REV3L: variants seen among roughly 807,000 people sequenced by gnomAD.
The protein encoded by REV3L is REV3 like, DNA directed polymerase zeta catalytic subunit.
Under a neutral mutation model 299.4 loss-of-function variants are expected in REV3L, and 69 were observed. The observed-to-expected ratio is 0.23, with a 90% confidence interval of 0.19 to 0.28. The LOEUF (loss-of-function observed/expected upper bound fraction) is 0.28, where lower values mean the gene tolerates loss of function less well. Among genes scored for constraint, REV3L ranks in the 10% least tolerant of loss-of-function variants. REV3L has a pLI of 1.00. For synonymous variants in REV3L, 1,238 were observed against 1,271.4 expected (o/e 0.97, Z 0.56); for missense variants, 3,128 against 3,693.8 (o/e 0.85, Z 3.97).
intron 1 of REV3L, among the ~76,000 whole-genome samples, chr6:111,460,126 T>C (rs1339654350): frequency 1.3e-5 from 2 of 151,984 alleles, no homozygotes; most frequent in Non-Finnish European, 2.9e-5. Flanking sequence ...ACAACACGGA[T>C]GCAGTTGGGG....
chr6:111,447,322 C>T (rs1418597186), intron 1 of REV3L, among the ~76,000 whole-genome samples: 1 of 152,102 alleles, frequency 6.6e-6, no homozygotes, highest in Non-Finnish European at 1.5e-5. Context: ...CAAATGCTTG[C>T]TATTAGAAAA....
chr6:111,426,467 C>A (rs1057155284), intron 1 of REV3L, among the ~76,000 whole-genome samples: 3 of 152,138 alleles, frequency 2.0e-5, no homozygotes, highest in African/African-American at 4.8e-5. Flanking sequence ...CCCATTTATG[C>A]CAGAGGTTGC....
At chr6:111,472,186 C>T (rs757016348) in intron 1 of REV3L, 102 of 1,182,800 alleles carry the variant, frequency 8.6e-5, no homozygotes, top group Non-Finnish European at 1.1e-4. Context: ...TGAGAAACTG[C>T]GAGTATGCCA....
intron 1 of REV3L, among the ~76,000 whole-genome samples, chr6:111,457,762 A>G (rs1412325200): frequency 6.6e-6 from 1 of 151,998 alleles, no homozygotes; most frequent in Non-Finnish European, 1.5e-5. Flanking sequence ...GAAAGAGAAG[A>G]CAGAACAGGT....
intron 1 of REV3L, chr6:111,471,970 AC>A: frequency 1.5e-5 from 9 of 594,504 alleles, no homozygotes; most frequent in South Asian, 2.5e-5. Flanking sequence ...GCTCACCCCC[AC>A]CCCCCTCACC....
At chr6:111,427,566 T>G (rs552737753) in intron 1 of REV3L, among the ~76,000 whole-genome samples, 1 of 152,064 alleles carries the variant, frequency 6.6e-6, no homozygotes, top group South Asian at 2.1e-4. Flanking sequence ...CACAAAGAAG[T>G]GAAAAAACTC....
rs1771311448 is a variant in REV3L, at chr6:111,300,103, C to A, written c.9306G>T (p.Leu3102=). ...CFDRHIPCVS[L]NCPVLFKLSR... ...AGAGTTTGAAAAGTACTGGGCAGTTCAGAGAAACACATGGGATGTGTCGAT... is the reference window on the plus strand; with the variant it reads ...AGAGTTTGAAAAGTACTGGGCAGTTAAGAGAAACACATGGGATGTGTCGAT... Residue 3102 remains leucine (L), a synonymous_variant, in exon 32 of 32, where the codon CTG becomes CTT. Transcript: ENST00000368802. 6.2e-7 allele frequency: 1 copy of A among 1,613,420 alleles called. No homozygotes were observed. Among genetic ancestry groups the A allele is most frequent in the Non-Finnish European group, 8.5e-7 (1 of 1,179,684 alleles).
chr6:111,474,988 T>TATATATACACAC (rs151075609), intron 1 of REV3L, among the ~76,000 whole-genome samples: 2,101 of 145,882 alleles, frequency 0.014, 54 homozygotes, highest in African/African-American at 0.052. Context: ...TGCCTATATA[T>TATATATACACAC]ACACACACAC....
rs754720792 is a variant in REV3L at position 111,349,346 on chromosome 6, T to G, written c.7301-10A>C. On this transcript the variant is annotated splice_polypyrimidine_tract_variant and intron_variant, in intron 19 of 31. Coordinates refer to ENST00000368802, the MANE Select transcript of REV3L (RefSeq NM_001372078.1). ...TTCTCAATTTTGTCATCTATAGAAA[T>G]GAAAACAGACTGTATCAGGGCTCAC... 1.4e-6 allele frequency: 2 copies of G among 1,412,056 alleles called. No homozygotes were observed. The highest frequency in any genetic ancestry group is 2.4e-5 in the South Asian group (2 of 83,020). 87.5% of individuals were successfully genotyped at this position (1,412,056 alleles called of 1,614,324 possible). A position where few individuals can be genotyped will look rare whatever the true frequency, so the allele number is the denominator to read the frequency against.
At chr6:111,322,432 G>C (rs532988306) in intron 26 of REV3L, 137 bp downstream of exon 26, 1 of 668,140 alleles carries the variant, frequency 1.5e-6, no homozygotes, top group South Asian at 1.8e-5. Flanking sequence ...TGTTAACTCT[G>C]ATCATGAGAT....
chr6:111,421,481 C>A (rs771587595), intron 1 of REV3L, among the ~76,000 whole-genome samples: 1 of 152,136 alleles, frequency 6.6e-6, no homozygotes, highest in Non-Finnish European at 1.5e-5. Context: ...AGTGAACGGG[C>A]ATGACCGTGT....
At chr6:111,398,841 A>G (rs1038212258) in intron 4 of REV3L, among the ~76,000 whole-genome samples, 5 of 152,182 alleles carry the variant, frequency 3.3e-5, no homozygotes, top group Admixed American at 6.5e-5. Flanking sequence ...AGGGCTAACT[A>G]TATGATAAAA....
chr6:111,315,861 G>T (rs964242343), intron 26 of REV3L, among the ~76,000 whole-genome samples: 5 of 152,214 alleles, frequency 3.3e-5, no homozygotes, highest in South Asian at 2.1e-4. Context: ...TTGATGATCT[G>T]AGGTGGAATA....
rs558986522 is a variant in REV3L, at chr6:111,448,946, C to T, written c.140-32474G>A. ...CCAAAGTGCTGAATGGGATTACAGG[C>T]GTGAGCCACCACACCTGGCCAATTA... On this transcript the variant is annotated intron_variant, in intron 1 of 31. Coordinates refer to ENST00000368802, the MANE Select transcript of REV3L (RefSeq NM_001372078.1). 9.9e-5 allele frequency among the ~76,000 whole-genome samples: 15 copies of T among 152,144 alleles called. 1 individual carries two copies. The highest frequency in any genetic ancestry group is 2.2e-4 in the African/African-American group (9 of 41,502).
chr6:111,460,203 G>C (rs551860857), intron 1 of REV3L: 1 of 152,118 alleles, frequency 6.6e-6, no homozygotes, highest in African/African-American at 2.4e-5. Flanking sequence ...ACTTACAAGT[G>C]GCAGCCAAAC....
intron 1 of REV3L, among the ~76,000 whole-genome samples, chr6:111,427,309 G>A (rs773429752): frequency 3.6e-4 from 55 of 151,972 alleles, no homozygotes; most frequent in Non-Finnish European, 6.9e-4. Flanking sequence ...ACAATGCACA[G>A]AATGAAAAAA....
intron 1 of REV3L, among the ~76,000 whole-genome samples, chr6:111,438,789 C>T (rs1439621668): frequency 5.3e-5 from 8 of 152,160 alleles, no homozygotes; most frequent in South Asian, 2.1e-4. Context: ...GTTGATCTCA[C>T]GGGGTCCTGA....
chr6:111,340,962 A>G (rs1209471091), intron 21 of REV3L, among the ~76,000 whole-genome samples: 2 of 151,888 alleles, frequency 1.3e-5, no homozygotes, highest in African/African-American at 4.8e-5. Flanking sequence ...CGGGGCTTAT[A>G]AACAAACCAC....
At chr6:111,446,171 A>G (rs1182317682) in intron 1 of REV3L, among the ~76,000 whole-genome samples, 1 of 152,194 alleles carries the variant, frequency 6.6e-6, no homozygotes, top group East Asian at 1.9e-4. Flanking sequence ...TCATCAATCC[A>G]CCAACTCCCA....
Sources: allele counts gnomAD v4.1 joint callset (sites outside exome capture counted in the v4.1 genomes callset), GRCh38; gene constraint gnomAD v4.1.1; transcripts MANE v1.5; gene names NCBI Gene and HGNC (gene_info 2026-07-23, HGNC 2026-07-21).